APP: variants seen among roughly 807,000 people sequenced by gnomAD.
APP encodes the protein amyloid beta precursor protein, also known as amyloid-beta precursor protein.
A neutral mutation model predicts 101.4 loss-of-function variants in APP; 31 were observed. That is an observed-to-expected ratio of 0.31 (90% CI 0.23 to 0.41). The LOEUF (loss-of-function observed/expected upper bound fraction) is 0.41. APP is among the 10% of genes least tolerant of loss of function. The pLI is 1.00. For missense variants in APP, 839 were observed against 1,003.7 expected (o/e 0.84, Z 2.22); for synonymous variants, 366 against 364.4 (o/e 1.00, Z -0.05).
At chr21:25,969,039 G>C (rs191993754) in intron 11 of APP, among the ~76,000 whole-genome samples, 4 of 152,062 alleles carry the variant, frequency 2.6e-5, no homozygotes, top group Admixed American at 6.6e-5. Flanking sequence ...ATGTCTTCAA[G>C]AGGAAGGTAT....
At chr21:25,945,091 G>T (rs1473986630) in intron 13 of APP, among the ~76,000 whole-genome samples, 1 of 152,138 alleles carries the variant, frequency 6.6e-6, no homozygotes, top group African/African-American at 2.4e-5. Context: ...AAAAATAAAA[G>T]AATGGCATAA....
At position 26,108,026 on chromosome 21, in the gene APP, G is replaced by C. The variant is rs145344853; in HGVS notation, c.225+3953C>G. 2.1e-3 allele frequency among the ~76,000 whole-genome samples: 319 copies of C among 152,296 alleles called. 1 individual carries two copies. The highest frequency in any genetic ancestry group is 7.3e-3 in the African/African-American group (304 of 41,566). ...ACTTGCAACATGCAGTGAAGTTCTG[G>C]TTGAAGGTATGGAGGGACTCATTTC... On this transcript the variant is annotated intron_variant, in intron 2 of 17. Coordinates refer to ENST00000346798, the MANE Select transcript of APP (RefSeq NM_000484.4).
chr21:26,053,396 G>T, intron 3 of APP, 48 bp from the exon 4 acceptor site: 1 of 1,317,578 alleles, frequency 7.6e-7, no homozygotes, highest in Non-Finnish European at 1.1e-6. Context: ...GTATCACAGT[G>T]TTCTTACCGC....
chr21:25,981,504 TTGAATGAA>T (rs574243206), intron 9 of APP, among the ~76,000 whole-genome samples: 5 of 152,140 alleles, frequency 3.3e-5, no homozygotes, highest in African/African-American at 7.2e-5. Flanking sequence ...TATTTGTTGA[TTGAATGAA>T]TGAATGAATG....
chr21:26,057,331 CA>C (rs1341256592), intron 3 of APP, among the ~76,000 whole-genome samples: 3 of 152,210 alleles, frequency 2.0e-5, no homozygotes, highest in Admixed American at 2.0e-4. Flanking sequence ...TTCCTGTTTA[CA>C]GCAAACTTTA....
intron 6 of APP, among the ~76,000 whole-genome samples, chr21:26,011,822 C>G (rs117748107): frequency 6.6e-6 from 1 of 151,980 alleles, no homozygotes; most frequent in Non-Finnish European, 1.5e-5. Flanking sequence ...CCTAAAGTCA[C>G]GTGCAAGCAA....
At chr21:25,974,680 G>T (rs1189610814) in intron 11 of APP, among the ~76,000 whole-genome samples, 1 of 152,136 alleles carries the variant, frequency 6.6e-6, no homozygotes, top group Admixed American at 6.5e-5. Flanking sequence ...TGCTGATAAG[G>T]TACCCAGTCT....
chr21:26,040,293 A>G (rs2045314888), intron 5 of APP, among the ~76,000 whole-genome samples: 1 of 152,116 alleles, frequency 6.6e-6, no homozygotes, highest in Admixed American at 6.6e-5. Context: ...AATAAACCGC[A>G]TTTCTTTAAA....
intron 6 of APP, among the ~76,000 whole-genome samples, chr21:26,000,408 T>C (rs968812941): frequency 2.6e-5 from 4 of 152,176 alleles, no homozygotes. Context: ...CAGGACTCGG[T>C]AGCAATAAAA....
At chr21:26,167,037 G>A (rs2063633329) in intron 1 of APP, among the ~76,000 whole-genome samples, 1 of 152,010 alleles carries the variant, frequency 6.6e-6, no homozygotes, top group South Asian at 2.1e-4. Context: ...CCCAGACCTG[G>A]GATATAAACC....
At chr21:25,980,194 G>A (rs578072399) in intron 9 of APP, among the ~76,000 whole-genome samples, 8 of 152,160 alleles carry the variant, frequency 5.3e-5, no homozygotes, top group Non-Finnish European at 1.0e-4. Flanking sequence ...AGGAAGAGGT[G>A]GTAGGAAGAC....
intron 13 of APP, chr21:25,942,595 T>C (rs2040622505): frequency 6.6e-6 from 1 of 152,196 alleles, no homozygotes; most frequent in Admixed American, 6.5e-5. Flanking sequence ...TTCTAAATTA[T>C]TTGAGTAACA....
At chr21:26,066,660 C>G (rs138324014) in intron 3 of APP, among the ~76,000 whole-genome samples, 2 of 152,246 alleles carry the variant, frequency 1.3e-5, no homozygotes, top group African/African-American at 4.8e-5. Context: ...TAAAAATTTT[C>G]ATGCTTCTCT....
chr21:26,096,407 G>GTGCTCCCACCC (rs1323804656), intron 2 of APP, among the ~76,000 whole-genome samples: 1 of 152,148 alleles, frequency 6.6e-6, no homozygotes, highest in Non-Finnish European at 1.5e-5. Flanking sequence ...CTTTTATGTG[G>GTGCTCCCACCC]TGCTCCCACC....
At chr21:25,952,510 C>T (rs1334990976) in intron 13 of APP, among the ~76,000 whole-genome samples, 1 of 152,072 alleles carries the variant, frequency 6.6e-6, no homozygotes, top group Non-Finnish European at 1.5e-5. Context: ...ATATCTGAAC[C>T]ACCATCTGTT....
At chr21:26,159,272 G>A (rs1004140676) in intron 1 of APP, among the ~76,000 whole-genome samples, 3 of 152,044 alleles carry the variant, frequency 2.0e-5, no homozygotes, top group Non-Finnish European at 4.4e-5. Context: ...GTGGAGACAG[G>A]GTTTCACCAT....
At chr21:26,157,466 T>C (rs1356916826) in intron 1 of APP, among the ~76,000 whole-genome samples, 1 of 152,204 alleles carries the variant, frequency 6.6e-6, no homozygotes, top group Non-Finnish European at 1.5e-5. Context: ...TGAGGAATCA[T>C]ATTTTAGACA....
chr21:26,037,960 C>T (rs1484448214), intron 5 of APP, among the ~76,000 whole-genome samples: 1 of 151,922 alleles, frequency 6.6e-6, no homozygotes, highest in East Asian at 1.9e-4. Flanking sequence ...TCTTCTAAAA[C>T]CATTTCAAAA....
At chr21:26,000,669 G>A (rs118023097) in intron 6 of APP, among the ~76,000 whole-genome samples, 1 of 152,196 alleles carries the variant, frequency 6.6e-6, no homozygotes, top group East Asian at 1.9e-4. Flanking sequence ...TATTTTGAAT[G>A]TTTTCCAGTG....
Sources: allele counts gnomAD v4.1 joint callset (sites outside exome capture counted in the v4.1 genomes callset), GRCh38; gene constraint gnomAD v4.1.1; transcripts MANE v1.5; gene names NCBI Gene and HGNC (gene_info 2026-07-23, HGNC 2026-07-21).